Variants in CEP97 observed in about 807,000 individuals in gnomAD.
CEP97 encodes the protein centrosomal protein 97, also known as centrosomal protein of 97 kDa.
CEP97 carries 43 observed loss-of-function variants against 73.1 expected under a neutral mutation model. The observed-to-expected ratio is 0.59, with a 90% CI of 0.46 to 0.76. The LOEUF (loss-of-function observed/expected upper bound fraction) is 0.76. CEP97 is among the 30% of genes least tolerant of loss of function. CEP97 has a pLI of 0.00. For missense variants in CEP97, 939 were observed against 1,014.0 expected (o/e 0.93, Z 1.00); for synonymous variants, 337 against 370.0 (o/e 0.91, Z 1.02).
intron 6 of CEP97, among the ~76,000 whole-genome samples, chr3:101,750,811 T>G (rs1239154594): frequency 6.6e-6 from 1 of 152,198 alleles, no homozygotes; most frequent in Non-Finnish European, 1.5e-5. Flanking sequence ...CTTTTCTTCT[T>G]TATTAGTCTT....
chr3:101,769,070 T>C lies in CEP97; in HGVS notation c.*3519T>C, dbSNP rs1159598652. 1.3e-5 allele frequency: 2 copies of C among 152,246 alleles called. No individual in the cohort carries two copies. Among genetic ancestry groups the C allele is most frequent in the East Asian group, 3.8e-4 (2 of 5,206 alleles). The allele number at this position is 152,246 out of a possible 1,614,324, so 9.4% of individuals were successfully genotyped here. A position where few individuals can be genotyped will look rare whatever the true frequency, so the allele number is the denominator to read the frequency against. ...GATTATTTTTTGTATACAAACACCA[T>C]AATACTGTATTTTCCTGTTATCTAC... is the stretch of plus-strand genomic sequence containing the variant. On this transcript the variant is annotated 3_prime_UTR_variant, in exon 11 of 11. Coordinates refer to ENST00000341893, the MANE Select transcript of CEP97 (RefSeq NM_024548.4).
chr3:101,758,297 A>G lies in CEP97; in HGVS notation c.1691A>G (p.Lys564Arg), dbSNP rs762744023. Residue 564 changes from lysine (K) to arginine (R), a missense_variant, in exon 9 of 11, where the codon AAG becomes AGG. Lys to Arg is a conservative substitution (Grantham distance 26). Coordinates refer to ENST00000341893, the MANE Select transcript of CEP97 (RefSeq NM_024548.4). ...CAGAAATTAAATGATGCAGCCACCAAGCTTCAGGCCTGTTGGCGGGGATTT... is the reference window on the plus strand; with the variant it reads ...CAGAAATTAAATGATGCAGCCACCAGGCTTCAGGCCTGTTGGCGGGGATTT... ...ALQKLNDAAT[K>R]LQACWRGFYA... 1 of 1,614,222 alleles carries G rather than the reference A, an allele frequency of 6.2e-7. No homozygotes were observed. The highest frequency in any genetic ancestry group is 1.1e-5 in the South Asian group (1 of 91,082).
In CEP97 at chr3:101,728,862, A is replaced by T. The variant is rs1191926351; in HGVS notation, c.372A>T (p.Thr124=). ...CCATGGAACAGATCAATAGCTGCAC[A>T]GCTCTACAGCATCTCGATTTATCAG... ...LKAMEQINSC[T]ALQHLDLSDN... The change falls in exon 4 of 11, where the codon ACA becomes ACT. Residue 124 remains threonine, a synonymous_variant. Transcript: ENST00000341893. 1.2e-6 allele frequency: 2 copies of T among 1,608,332 alleles called. No homozygotes were observed. The highest frequency in any genetic ancestry group is 2.2e-5 in the South Asian group (2 of 90,972).
At chr3:101,763,580 T>G (rs1027399236) in intron 10 of CEP97, among the ~76,000 whole-genome samples, 5 of 152,140 alleles carry the variant, frequency 3.3e-5, no homozygotes, top group African/African-American at 1.2e-4. Context: ...CTGTCAGTAA[T>G]TACCTTGGGC....
At position 101,725,834 on chromosome 3, in the gene CEP97, A is replaced by G. The variant is rs1490225925; in HGVS notation, c.44-760A>G. On this transcript the variant is annotated intron_variant, in intron 1 of 10. Coordinates refer to ENST00000341893, the MANE Select transcript of CEP97 (RefSeq NM_024548.4). ...TAATAGCAGTTAACATTTACAGAGC[A>G]CTTTGTATGACCCAGGCGATGTTCT... Among the ~76,000 whole-genome samples, 11 of 149,302 alleles carry G rather than the reference A, an allele frequency of 7.4e-5. No individual in the cohort carries two copies. In the South Asian group the frequency reaches 1.7e-3, roughly 23 times the overall value.
chr3:101,763,188 T>G (rs1939216080), intron 10 of CEP97: 1 of 1,260,848 alleles, frequency 7.9e-7, no homozygotes, highest in Non-Finnish European at 1.0e-6. Flanking sequence ...CCTCCCAAAG[T>G]GAGCCACATC....
chr3:101,728,752 C>T (rs1937987630), intron 3 of CEP97, 84 bp from the exon 4 acceptor site: 2 of 859,032 alleles, frequency 2.3e-6, no homozygotes, highest in East Asian at 2.5e-5. Flanking sequence ...AGGGAAGACA[C>T]TCTTTCAGCT....
At chr3:101,734,411 C>G (rs1022490390) in intron 6 of CEP97, among the ~76,000 whole-genome samples, 3 of 152,230 alleles carry the variant, frequency 2.0e-5, no homozygotes, top group Non-Finnish European at 4.4e-5. Flanking sequence ...ATGGACTCAA[C>G]ACATACATTA....
chr3:101,729,319 T>C (rs1481600372), intron 4 of CEP97, among the ~76,000 whole-genome samples: 4 of 148,176 alleles, frequency 2.7e-5, no homozygotes, highest in Non-Finnish European at 5.9e-5. Context: ...GCCTGGGCAA[T>C]AGAGTGAGAC....
At position 101,728,450 on chromosome 3, in the gene CEP97, G is replaced by C. The variant is rs542168077; in HGVS notation, c.346-386G>C. Among the ~76,000 whole-genome samples the C allele has an allele frequency of 1.1e-3, 166 of 152,116 alleles. 1 individual carries two copies. The highest frequency in any genetic ancestry group is 3.6e-3 in the African/African-American group (150 of 41,506). On this transcript the variant is annotated intron_variant, in intron 3 of 10. Coordinates refer to ENST00000341893, the MANE Select transcript of CEP97 (RefSeq NM_024548.4). The stretch of plus-strand genomic sequence containing the variant: ...TAATTTTTAGTATTTTTTTAGTAGA[G>C]ACAGGGTTTCGCCATGTTGGCCAGG...
In CEP97 at chr3:101,724,792, C is replaced by T; in HGVS notation, c.43+73C>T. 4.0e-6 allele frequency: 6 copies of T among 1,517,094 alleles called. No individual in the cohort carries two copies. The South Asian group carries it at 6.7e-5, about 17-fold the overall frequency. The allele number at this position is 1,517,094 out of a possible 1,614,324, so 94.0% of individuals were successfully genotyped here. A position where few individuals can be genotyped will look rare whatever the true frequency, so the allele number is the denominator to read the frequency against. ...AATTAAATAGTGGAGAGCAGAAAAC[C>T]TAGGTTTAGATGTGCAGTTCTGGAC... is the stretch of plus-strand genomic sequence containing the variant. On this transcript the variant is annotated intron_variant, in intron 1 of 10. Coordinates refer to ENST00000341893, the MANE Select transcript of CEP97 (RefSeq NM_024548.4).
At chr3:101,726,825 A>G (rs1937907846) in intron 2 of CEP97, 89 bp downstream of exon 2, 1 of 922,452 alleles carries the variant, frequency 1.1e-6, no homozygotes, top group Non-Finnish European at 1.6e-6. Context: ...GTAACTGTGC[A>G]GCCCTAGCAA....
rs890669638 is a variant in CEP97, at chr3:101,728,946, G to T, written c.447+9G>T. The T allele has an allele frequency of 7.2e-7, 1 of 1,388,280 alleles. No individual in the cohort carries two copies. The highest frequency in any genetic ancestry group is 1.4e-5 in the African/African-American group (1 of 70,096). The allele number at this position is 1,388,280 out of a possible 1,614,324, so 86.0% of individuals were successfully genotyped here. A position where few individuals can be genotyped will look rare whatever the true frequency, so the allele number is the denominator to read the frequency against. ...AATTGGTATCCCTGAAAGTAAGTAT[G>T]TTTTCTTTGTCATTTGTGAAGTTTT... On this transcript the variant is annotated intron_variant, in intron 4 of 10. Coordinates refer to ENST00000341893, the MANE Select transcript of CEP97 (RefSeq NM_024548.4).
intron 6 of CEP97, among the ~76,000 whole-genome samples, chr3:101,745,555 T>C (rs1938587130): frequency 1.3e-5 from 2 of 151,674 alleles, no homozygotes; most frequent in South Asian, 2.1e-4. Context: ...TATAAGCCAC[T>C]GCACCTAGCC....
chr3:101,759,335 C>G (rs1362869036), intron 9 of CEP97: 2 of 152,114 alleles, frequency 1.3e-5, no homozygotes, highest in African/African-American at 2.4e-5. Context: ...ACAGACAGGG[C>G]TTAATTTTCT....
chr3:101,748,746 T>C (rs1479917329), intron 6 of CEP97, among the ~76,000 whole-genome samples: 1 of 152,202 alleles, frequency 6.6e-6, no homozygotes, highest in Non-Finnish European at 1.5e-5. Context: ...GTTCATACCA[T>C]TCTCCTGCCT....
At chr3:101,728,515 C>T (rs552542651) in intron 3 of CEP97, among the ~76,000 whole-genome samples, 1 of 151,942 alleles carries the variant, frequency 6.6e-6, no homozygotes, top group Admixed American at 6.6e-5. Flanking sequence ...CCACCCACCT[C>T]GGCCTCCCAA....
At position 101,750,613 on chromosome 3, in the gene CEP97, A is replaced by G. The variant is rs1240638362; in HGVS notation, c.729-4817A>G. The stretch of plus-strand genomic sequence containing the variant: ...GAGCCTGTTATTGGTCTGTTCAGAG[A>G]TTCAACTTCTTCCTGGTTTAGCCTT... On this transcript the variant is annotated intron_variant, in intron 6 of 10. Transcript: ENST00000341893. 2.0e-5 allele frequency among the ~76,000 whole-genome samples: 3 copies of G among 152,286 alleles called. No individual in the cohort carries two copies. In the South Asian group the frequency reaches 6.2e-4, roughly 32 times the overall value.
chr3:101,727,362 C>G (rs764771645), intron 2 of CEP97, 21 bp from the exon 3 acceptor site: 59 of 1,516,168 alleles, frequency 3.9e-5, no homozygotes, highest in East Asian at 1.2e-4. Context: ...CTAAAAATAA[C>G]AATATGTTTC....
Sources: gnomAD v4.1 joint callset for allele counts (sites outside exome capture counted in the v4.1 genomes callset) on GRCh38, gnomAD v4.1.1 for gene constraint, MANE v1.5 for transcripts, NCBI Gene and HGNC (gene_info 2026-07-23, HGNC 2026-07-21) for gene names.